URB1: variants seen among roughly 807,000 people sequenced by gnomAD.
URB1 encodes the protein nucleolar pre-ribosomal-associated protein 1.
A neutral mutation model predicts 242.3 loss-of-function variants in URB1; 197 were observed. The observed-to-expected ratio is 0.81, with a 90% CI of 0.72 to 0.91. The LOEUF is 0.91. Among genes scored for constraint, URB1 ranks in the 40% least tolerant of loss-of-function variants. The pLI is 0.00. For synonymous variants in URB1, 1,153 were observed against 1,201.8 expected (o/e 0.96, Z 0.84); for missense variants, 2,721 against 2,860.5 (o/e 0.95, Z 1.11).
chr21:32,386,357 C>G (rs183500271), intron 1 of URB1, among the ~76,000 whole-genome samples: 4 of 152,242 alleles, frequency 2.6e-5, no homozygotes, highest in Admixed American at 2.6e-4. Flanking sequence ...GAGGACACAG[C>G]AAGAGGGCAG....
chr21:32,324,635 A>G (rs1278521131), intron 31 of URB1, 33 bp from the exon 32 acceptor site: 1 of 1,487,548 alleles, frequency 6.7e-7, no homozygotes, highest in East Asian at 2.5e-5. Flanking sequence ...AAAATGTAAG[A>G]TGAGCGTGTT....
rs2033101368 is a variant in URB1, at chr21:32,347,284, A to G, written c.3540T>C (p.Tyr1180=). The G allele has an allele frequency of 6.4e-7, 1 of 1,550,966 alleles. No homozygotes were observed. The highest frequency in any genetic ancestry group is 1.2e-5 in the South Asian group (1 of 84,062). Reference sequence around the variant, plus strand: ...GCAGCAGAGCCCCCAGGCCTCTCACATACTCGGAGGACCACAGGAGCTCAC... The same window carrying G: ...GCAGCAGAGCCCCCAGGCCTCTCACGTACTCGGAGGACCACAGGAGCTCAC... ...QSGELLWSSE[Y]VRGLGALLPT... The change falls in exon 22 of 39, where the codon TAT becomes TAC. Residue 1180 remains tyrosine, a synonymous_variant. Coordinates refer to ENST00000382751, the MANE Select transcript of URB1 (RefSeq NM_014825.3).
At chr21:32,358,970 C>A (rs902827964) in intron 14 of URB1, among the ~76,000 whole-genome samples, 1 of 152,118 alleles carries the variant, frequency 6.6e-6, no homozygotes, top group Non-Finnish European at 1.5e-5. Flanking sequence ...GCCCAGCATG[C>A]GAGTAAGTTC....
At position 32,315,097 on chromosome 21, in the gene URB1, A is replaced by G; in HGVS notation, c.6637T>C (p.Ser2213Pro). ...LSEKDEATQASAAFLVSLYIK... is the reference protein window; with the variant it reads ...LSEKDEATQAPAAFLVSLYIK... ...TAGAGAGACACTAGGAATGCTGCGGAGGCTGAACAAGAGCAGGGGATAGGC... is the reference window on the plus strand; with the variant it reads ...TAGAGAGACACTAGGAATGCTGCGGGGGCTGAACAAGAGCAGGGGATAGGC... The change falls in exon 39 of 39, where the codon TCC (serine) becomes CCC (proline). Residue 2213 changes from serine to proline, a missense_variant and splice_region_variant. Transcript: ENST00000382751. 6.6e-7 allele frequency: 1 copy of G among 1,520,628 alleles called. No individual in the cohort carries two copies. The highest frequency in any genetic ancestry group is 2.5e-5 in the East Asian group (1 of 40,326). 94.2% of individuals were successfully genotyped at this position (1,520,628 alleles called of 1,614,324 possible).
chr21:32,354,930 G>C lies in URB1; in HGVS notation c.2174C>G (p.Ala725Gly). 1 of 1,552,348 alleles carries C rather than the reference G, an allele frequency of 6.4e-7. No individual in the cohort carries two copies. Among genetic ancestry groups the C allele is most frequent in the Non-Finnish European group, 8.7e-7 (1 of 1,147,140 alleles). The change falls in exon 17 of 39, where the codon GCA (alanine) becomes GGA (glycine). Residue 725 changes from alanine to glycine, a missense_variant. Physicochemically the swap from Ala to Gly is moderately conservative, Grantham distance 60. Transcript: ENST00000382751. ...CGTCATAGTGGCCTGCAGCATGCTT[G>C]CTTCTTGGACAAAGTCAGATGCTTT... is the stretch of plus-strand genomic sequence containing the variant. ...TDKASDFVQE[A>G]SMLQATMTKQ...
At chr21:32,354,459 G>A (rs948896477) in intron 17 of URB1, among the ~76,000 whole-genome samples, 4 of 152,178 alleles carry the variant, frequency 2.6e-5, no homozygotes, top group Admixed American at 6.5e-5. Context: ...GAGTACCTGC[G>A]TTCTAATCCT....
chr21:32,325,287 T>C lies in URB1; in HGVS notation c.5063A>G (p.His1688Arg), dbSNP rs1378050133. The part of the protein sequence containing the change: ...YDPQMRAIAY[H>R]VLAAYYSHLE... The stretch of plus-strand genomic sequence containing the variant: ...GTGCGAGTAGTAGGCCGCCAGGACA[T>C]GGTAGGCTATGGCTCGCATCTGGGG... Residue 1688 changes from histidine to arginine, a missense_variant, in exon 31 of 39, where the codon CAT (histidine) becomes CGT (arginine). Transcript: ENST00000382751. 3 of 1,551,598 alleles carry C rather than the reference T, an allele frequency of 1.9e-6. No individual in the cohort carries two copies. The highest frequency in any genetic ancestry group is 2.6e-6 in the Non-Finnish European group (3 of 1,147,002).
At position 32,352,906 on chromosome 21, in the gene URB1, G is replaced by A. The variant is rs780853582; in HGVS notation, c.2417C>T (p.Ala806Val). 1.1e-4 allele frequency: 170 copies of A among 1,541,994 alleles called. No individual in the cohort carries two copies. Among genetic ancestry groups the A allele is most frequent in the Non-Finnish European group, 1.4e-4 (165 of 1,141,764 alleles). Reference protein sequence around the residue: ...KLLLGTGNEAAENVVTYLTAV... With the variant: ...KLLLGTGNEAVENVVTYLTAV... ...CGTCAGATATGTCACAACGTTTTCC[G>A]CTGCAAAGGAACGAGATGCATATGG... The change falls in exon 19 of 39, where the codon GCG becomes GTG. Residue 806 changes from alanine to valine, a missense_variant and splice_region_variant. Physicochemically the swap from Ala to Val is moderately conservative, Grantham distance 64 (BLOSUM62 0). Coordinates refer to ENST00000382751, the MANE Select transcript of URB1 (RefSeq NM_014825.3).
Position 32,354,897 on chromosome 21 carries a change from T to C in URB1, c.2207A>G (p.Glu736Gly). ...GATGGGAATGCTCATGTCATCGGCT[T>C]CTTGCTTCGTCATAGTGGCCTGCAG... ...SMLQATMTKQ[E>G]ADDMSIPISH... is the part of the protein sequence containing the mutation. Residue 736 changes from glutamate (E) to glycine (G), a missense_variant, in exon 17 of 39, where the codon GAA becomes GGA. Physicochemically the swap from Glu to Gly is moderately conservative, Grantham distance 98. Coordinates refer to ENST00000382751, the MANE Select transcript of URB1 (RefSeq NM_014825.3). 1 of 1,552,408 alleles carries C rather than the reference T, an allele frequency of 6.4e-7. No homozygotes were observed. Among genetic ancestry groups the C allele is most frequent in the Non-Finnish European group, 8.7e-7 (1 of 1,147,154 alleles).
chr21:32,320,504 C>T (rs906786873), intron 35 of URB1, 27 bp downstream of exon 35: 28 of 1,481,176 alleles, frequency 1.9e-5, no homozygotes, highest in Admixed American at 1.2e-4. Context: ...CCACCTGACG[C>T]GCACCTCGCA....
Position 32,325,214 on chromosome 21 carries a change from G to A in URB1, c.5121+15C>T, listed in dbSNP as rs1351116036. 11 of 1,545,032 alleles carry A rather than the reference G, an allele frequency of 7.1e-6. No homozygotes were observed. The highest frequency in any genetic ancestry group is 4.8e-5 in the South Asian group (4 of 83,808). ...GGCCCACCCCCACAGTAGGATGTAC[G>A]CTCTTCCTACTTACCTGGGACTGCT... On this transcript the variant is annotated intron_variant, in intron 31 of 38. Coordinates refer to ENST00000382751, the MANE Select transcript of URB1 (RefSeq NM_014825.3).
Position 32,363,349 on chromosome 21 carries a change from A to C in URB1, c.1336-20T>G. ...GTCCAACTGGGAAGAAAAAGAGTTA[A>C]ATGCACACATGTCTCTAGGATACAC... On this transcript the variant is annotated intron_variant, in intron 10 of 38. Transcript: ENST00000382751. 1 of 1,548,848 alleles carries C rather than the reference A, an allele frequency of 6.5e-7. No homozygotes were observed. The highest frequency in any genetic ancestry group is 1.2e-5 in the South Asian group (1 of 83,942).
chr21:32,390,265 T>C (rs1025429565), intron 1 of URB1, among the ~76,000 whole-genome samples: 1 of 152,216 alleles, frequency 6.6e-6, no homozygotes, highest in African/African-American at 2.4e-5. Flanking sequence ...CCATGAAATA[T>C]AGATACTACA....
intron 38 of URB1, among the ~76,000 whole-genome samples, chr21:32,316,172 G>GC (rs11397762): frequency 1 from 152,367 of 152,380 alleles, 76,177 homozygotes; most frequent in Middle Eastern, 1. Context: ...GAAACCCATT[G>GC]CCTGCGGGGT....
chr21:32,333,913 A>G (rs2032924755), intron 29 of URB1, among the ~76,000 whole-genome samples: 1 of 152,186 alleles, frequency 6.6e-6, no homozygotes, highest in South Asian at 2.1e-4. Flanking sequence ...GATCCTTGGG[A>G]TGTGCTGCAA....
intron 9 of URB1, among the ~76,000 whole-genome samples, 186 bp downstream of exon 9, chr21:32,368,217 A>G (rs1189688590): frequency 6.6e-6 from 1 of 151,772 alleles, no homozygotes; most frequent in Non-Finnish European, 1.5e-5. Flanking sequence ...ACAGGCGCAC[A>G]CCACCACACC....
chr21:32,352,032 C>T (rs1334844803), intron 19 of URB1, among the ~76,000 whole-genome samples: 1 of 152,152 alleles, frequency 6.6e-6, no homozygotes, highest in Non-Finnish European at 1.5e-5. Context: ...ACCCGGTATG[C>T]CTCCAAAAAA....
At chr21:32,351,037 A>G (rs1263460610) in intron 19 of URB1, 115 bp from the exon 20 acceptor site, 2 of 1,097,898 alleles carry the variant, frequency 1.8e-6, no homozygotes, top group Non-Finnish European at 2.6e-6. Context: ...GCACATGCTG[A>G]GATAAGACTA....
In URB1 at chr21:32,373,746, T is replaced by C; in HGVS notation, c.777A>G (p.Lys259=). 2 of 1,544,588 alleles carry C rather than the reference T, an allele frequency of 1.3e-6. No individual in the cohort carries two copies. The highest frequency in any genetic ancestry group is 1.7e-6 in the Non-Finnish European group (2 of 1,144,796). The part of the protein sequence containing the change: ...TKVVHNKNIT[K]TQKVRFFTGQ... ...CCGTAAAGAAACGCACCTTCTGGGT[T>C]TTTGTGATATTTTTATTGTGAACTA... Residue 259 remains lysine (K), a synonymous_variant, in exon 7 of 39, where the codon AAA becomes AAG. Coordinates refer to ENST00000382751, the MANE Select transcript of URB1 (RefSeq NM_014825.3).
Sources: gnomAD v4.1 joint callset for allele counts (sites outside exome capture counted in the v4.1 genomes callset) on GRCh38, gnomAD v4.1.1 for gene constraint, MANE v1.5 for transcripts, NCBI Gene and HGNC (gene_info 2026-07-23, HGNC 2026-07-21) for gene names.